Variants in SPAG16 observed in about 807,000 individuals in gnomAD.
SPAG16 encodes the protein sperm associated antigen 16.
SPAG16 carries 86 observed loss-of-function variants against 80.4 expected under a neutral mutation model. That is an observed-to-expected ratio of 1.07 (90% confidence interval 0.90 to 1.28). The LOEUF is 1.28. Ranked by LOEUF, SPAG16 falls within the 50% of genes most tolerant of loss-of-function variation. The probability of loss-of-function intolerance (pLI) is 0.00; values close to 1 mark genes in which losing one functional copy is unlikely to be tolerated. For synonymous variants in SPAG16, 294 were observed against 265.9 expected, an observed-to-expected ratio of 1.11 and a Z score of -1.03; for missense variants, 870 against 765.3, an observed-to-expected ratio of 1.14 and a Z score of -1.61.
chr2:213,394,962 G>T (rs1201859761), intron 9 of SPAG16, among the ~76,000 whole-genome samples: 2 of 152,040 alleles, frequency 1.3e-5, no homozygotes, highest in Non-Finnish European at 2.9e-5. Context: ...GTAGTCTGTG[G>T]TTTTTTAGGA....
chr2:214,164,976 G>C (rs1192155344), intron 15 of SPAG16, among the ~76,000 whole-genome samples: 1 of 152,092 alleles, frequency 6.6e-6, no homozygotes, highest in Non-Finnish European at 1.5e-5. Context: ...ATGTTCTGCT[G>C]AGGAGGAGAT....
At chr2:213,523,170 T>A (rs2075750672) in intron 10 of SPAG16, among the ~76,000 whole-genome samples, 1 of 152,138 alleles carries the variant, frequency 6.6e-6, no homozygotes, top group Non-Finnish European at 1.5e-5. Context: ...ACCCTGATGC[T>A]GCTGTTCTCG....
At chr2:213,353,081 A>G (rs1344417484) in intron 7 of SPAG16, among the ~76,000 whole-genome samples, 14 of 152,216 alleles carry the variant, frequency 9.2e-5, no homozygotes. Context: ...TCTACAGGCT[A>G]TATTCACTCT....
intron 10 of SPAG16, among the ~76,000 whole-genome samples, chr2:213,744,899 T>C (rs1174536525): frequency 6.6e-6 from 1 of 152,190 alleles, no homozygotes; most frequent in African/African-American, 2.4e-5. Context: ...AATTCTGGCA[T>C]TCATAGATTT....
At chr2:213,535,970 G>A (rs1366792803) in intron 10 of SPAG16, among the ~76,000 whole-genome samples, 2 of 151,984 alleles carry the variant, frequency 1.3e-5, no homozygotes, top group Admixed American at 1.3e-4. Context: ...AATTTTAAAG[G>A]AAATTTACAA....
At chr2:213,681,687 T>C (rs2064392201) in intron 10 of SPAG16, among the ~76,000 whole-genome samples, 1 of 152,152 alleles carries the variant, frequency 6.6e-6, no homozygotes, top group African/African-American at 2.4e-5. Context: ...GGTTTCCTCA[T>C]CAAGGAAAGA....
intron 15 of SPAG16, among the ~76,000 whole-genome samples, chr2:214,390,854 G>A (rs562265552): frequency 6.6e-6 from 1 of 152,328 alleles, no homozygotes; most frequent in African/African-American, 2.4e-5. Flanking sequence ...TGGCAAAAGA[G>A]ACAAGGCCAT....
chr2:213,959,133 T>C (rs900857410), intron 12 of SPAG16, among the ~76,000 whole-genome samples: 1 of 152,218 alleles, frequency 6.6e-6, no homozygotes, highest in Non-Finnish European at 1.5e-5. Flanking sequence ...GGTAATCTTA[T>C]TGAGCATCAC....
intron 6 of SPAG16, 68 bp from the exon 7 acceptor site, chr2:213,350,460 A>G (rs2065265118): frequency 3.9e-6 from 3 of 778,192 alleles, no homozygotes; most frequent in Non-Finnish European, 3.9e-6. Flanking sequence ...AAAGGTTTTG[A>G]TGTTAGATGG....
intron 5 of SPAG16, among the ~76,000 whole-genome samples, chr2:213,330,953 G>A (rs1321664684): frequency 6.6e-6 from 1 of 152,134 alleles, no homozygotes; most frequent in African/African-American, 2.4e-5. Context: ...AGATGTGTTT[G>A]CTCCTCCTTG....
intron 15 of SPAG16, among the ~76,000 whole-genome samples, chr2:214,269,198 G>C (rs1333363292): frequency 6.6e-6 from 1 of 151,774 alleles, no homozygotes; most frequent in Non-Finnish European, 1.5e-5. Context: ...CATAATCAAG[G>C]GAATTGCCTA....
intron 10 of SPAG16, among the ~76,000 whole-genome samples, chr2:213,530,733 T>C (rs1175873815): frequency 6.6e-6 from 1 of 152,130 alleles, no homozygotes; most frequent in Non-Finnish European, 1.5e-5. Context: ...ATCTAGTAAC[T>C]TTCTCCCCTC....
intron 12 of SPAG16, among the ~76,000 whole-genome samples, chr2:213,995,377 G>GA (rs2046468633): frequency 6.6e-6 from 1 of 152,140 alleles, no homozygotes; most frequent in African/African-American, 2.4e-5. Context: ...TTATAGCAGA[G>GA]AAAAAAACTG....
At chr2:214,140,954 T>TGGG (rs2055326865) in intron 14 of SPAG16, among the ~76,000 whole-genome samples, 2 of 29,112 alleles carry the variant, frequency 6.9e-5, no homozygotes, top group African/African-American at 1.2e-4. Flanking sequence ...GGGTGGGGGG[T>TGGG]GGGGGGATGT....
intron 10 of SPAG16, among the ~76,000 whole-genome samples, chr2:213,701,143 G>A (rs1212448163): frequency 3.3e-5 from 5 of 152,194 alleles, no homozygotes; most frequent in African/African-American, 1.2e-4. Context: ...AGGAGGCTGA[G>A]GCAGGAGAAT....
intron 15 of SPAG16, among the ~76,000 whole-genome samples, chr2:214,221,833 G>C (rs2058578806): frequency 6.6e-6 from 1 of 151,674 alleles, no homozygotes; most frequent in Admixed American, 6.6e-5. Context: ...CTTATGTTTG[G>C]GGTTGGTTTT....
intron 11 of SPAG16, among the ~76,000 whole-genome samples, chr2:213,898,012 T>C (rs1403169745): frequency 6.6e-6 from 1 of 152,174 alleles, no homozygotes; most frequent in Non-Finnish European, 1.5e-5. Flanking sequence ...ATTTTATCTC[T>C]TAGTACCCAC....
chr2:213,665,072 A>G (rs933132351), intron 10 of SPAG16, among the ~76,000 whole-genome samples: 1 of 152,014 alleles, frequency 6.6e-6, no homozygotes, highest in African/African-American at 2.4e-5. Context: ...TTCTCTTTCA[A>G]TATTTTCCCT....
chr2:213,823,549 A>G (rs2073083452), intron 10 of SPAG16, among the ~76,000 whole-genome samples: 1 of 151,902 alleles, frequency 6.6e-6, no homozygotes, highest in Admixed American at 6.6e-5. Flanking sequence ...TAGTAGAGAT[A>G]GGGTTTCTCC....
Sources: allele counts gnomAD v4.1 joint callset (sites outside exome capture counted in the v4.1 genomes callset), GRCh38; gene constraint gnomAD v4.1.1; transcripts MANE v1.5; gene names NCBI Gene and HGNC (gene_info 2026-07-23, HGNC 2026-07-21).